The following GFPT1 variants were observed in gnomAD, a reference collection of about 807,000 sequenced individuals.
GFPT1 encodes the protein glutamine--fructose-6-phosphate aminotransferase [isomerizing] 1.
Under a neutral mutation model 92.0 loss-of-function variants are expected in GFPT1, and 40 were observed. The ratio of observed to expected loss-of-function variants is 0.43; its 90% CI spans 0.34 to 0.57. The LOEUF (loss-of-function observed/expected upper bound fraction) is 0.57, where lower values mean the gene tolerates loss of function less well. GFPT1 is among the 20% of genes least tolerant of loss of function. The pLI, the probability that GFPT1 is intolerant of heterozygous loss-of-function variation, is 0.02. For synonymous variants in GFPT1, 269 were observed against 280.6 expected (o/e 0.96, Z 0.41); for missense variants, 448 against 869.1 (o/e 0.52, Z 6.09).
intron 14 of GFPT1, 113 bp downstream of exon 14, chr2:69,338,332 G>A (rs531887391): frequency 4.4e-5 from 40 of 901,384 alleles, no homozygotes; most frequent in East Asian, 2.6e-4. Flanking sequence ...ATCTGTATTC[G>A]TCAAGTCATC....
At chr2:69,356,445 T>C (rs1390658760) in intron 7 of GFPT1, 51 bp downstream of exon 7, 15 of 1,255,192 alleles carry the variant, frequency 1.2e-5, no homozygotes, top group Admixed American at 8.4e-5. Flanking sequence ...AGAATAAACA[T>C]GTAACTCAAA....
chr2:69,350,095 G>A lies in GFPT1; in HGVS notation c.828C>T (p.Tyr276=). 1 of 1,612,120 alleles carries A rather than the reference G, an allele frequency of 6.2e-7. No homozygotes were observed. Among genetic ancestry groups the A allele is most frequent in the Non-Finnish European group, 8.5e-7 (1 of 1,178,164 alleles). The change falls in exon 10 of 20, where the codon TAC becomes TAT. Residue 276 remains tyrosine, a synonymous_variant. Coordinates refer to ENST00000357308, the MANE Select transcript of GFPT1 (RefSeq NM_001244710.2). Reference sequence around the variant, plus strand: ...AAGCTCACCTTGCATCAGAAGCAAAGTAATACTCCACTGCTTTTTCTTCCA... The same window carrying A: ...AAGCTCACCTTGCATCAGAAGCAAAATAATACTCCACTGCTTTTTCTTCCA... ...FPVEEKAVEY[Y]FASDASAVIE... is the part of the protein sequence containing the mutation.
chr2:69,356,628 G>T, intron 6 of GFPT1, 71 bp from the exon 7 acceptor site: 1 of 1,088,164 alleles, frequency 9.2e-7, no homozygotes. Context: ...GAACATACTG[G>T]CTTCAGCGCA....
At position 69,363,609 on chromosome 2, in the gene GFPT1, A is replaced by G. The variant is rs200428254; in HGVS notation, c.285T>C (p.Arg95=). The stretch of plus-strand genomic sequence containing the variant: ...GACTGGGTTCTCCATGTGTTGCCCA[A>G]CGGGTATGAGCTATTCCAAGGTGTA... The part of the protein sequence containing the change: ...FDVHLGIAHT[R]WATHGEPSPV... The change falls in exon 4 of 20, where the codon CGT becomes CGC. Residue 95 remains arginine (R), a synonymous_variant. Transcript: ENST00000357308. 1 of 1,611,512 alleles carries G rather than the reference A, an allele frequency of 6.2e-7. No individual in the cohort carries two copies. The highest frequency in any genetic ancestry group is 8.5e-7 in the Non-Finnish European group (1 of 1,177,562).
At chr2:69,336,352 A>AAG (rs1558736164) in intron 15 of GFPT1, among the ~76,000 whole-genome samples, 2 of 149,714 alleles carry the variant, frequency 1.3e-5, no homozygotes, top group South Asian at 2.1e-4. Flanking sequence ...AAAAAAAAAA[A>AAG]AAAAGAAAAA....
rs767647134 is a variant in GFPT1 at position 69,350,072 on chromosome 2, G to A, written c.845+6C>T. 3 of 1,585,610 alleles carry A rather than the reference G, an allele frequency of 1.9e-6. No individual in the cohort carries two copies. The highest frequency in any genetic ancestry group is 2.2e-5 in the South Asian group (2 of 90,482). The stretch of plus-strand genomic sequence containing the variant: ...AAATCTCTTTGAATCAACTAAGGAA[G>A]CTCACCTTGCATCAGAAGCAAAGTA... On this transcript the variant is annotated splice_donor_region_variant and intron_variant, in intron 10 of 19. Coordinates refer to ENST00000357308, the MANE Select transcript of GFPT1 (RefSeq NM_001244710.2).
rs1267505161 is a variant in GFPT1, at chr2:69,324,712, T to G, written c.*1477A>C. 1 of 152,138 alleles carries G rather than the reference T, an allele frequency of 6.6e-6. No homozygotes were observed. The highest frequency in any genetic ancestry group is 2.4e-5 in the African/African-American group (1 of 41,438). The allele number at this position is 152,138 out of a possible 1,614,324, so 9.4% of individuals were successfully genotyped here. ...AAAAGAAAGGAAAAAACAGCTTACT[T>G]AAATAATTGTGCTAAATAGCTTATC... On this transcript the variant is annotated 3_prime_UTR_variant, in exon 20 of 20. Transcript: ENST00000357308.
intron 11 of GFPT1, among the ~76,000 whole-genome samples, chr2:69,346,740 CT>C (rs796785994): frequency 1.1e-4 from 17 of 148,142 alleles, no homozygotes; most frequent in African/African-American, 9.9e-5. Context: ...CTTATTTTTA[CT>C]TTTTTTTTTG....
At chr2:69,380,338 T>C (rs1671979539) in intron 1 of GFPT1, among the ~76,000 whole-genome samples, 1 of 152,060 alleles carries the variant, frequency 6.6e-6, no homozygotes, top group Admixed American at 6.6e-5. Flanking sequence ...TGAGACTCTG[T>C]CTCAAAAAAA....
At chr2:69,356,389 A>G in intron 7 of GFPT1, 107 bp downstream of exon 7, 1 of 827,300 alleles carries the variant, frequency 1.2e-6, no homozygotes, top group South Asian at 1.4e-5. Context: ...AATATATCTA[A>G]TAAAGGGCAG....
chr2:69,361,523 A>T (rs932563808), intron 4 of GFPT1, among the ~76,000 whole-genome samples: 1 of 152,202 alleles, frequency 6.6e-6, no homozygotes, highest in Non-Finnish European at 1.5e-5. Flanking sequence ...TCTTAACTTA[A>T]AGCCAAATTC....
chr2:69,338,195 A>G, intron 14 of GFPT1, 140 bp from the exon 15 acceptor site: 1 of 859,798 alleles, frequency 1.2e-6, no homozygotes. Flanking sequence ...TAATAAATTT[A>G]TAAAACTTTA....
intron 15 of GFPT1, among the ~76,000 whole-genome samples, chr2:69,333,055 A>AT (rs1670709425): frequency 6.6e-6 from 1 of 152,160 alleles, no homozygotes. Flanking sequence ...ATCTTTTCCC[A>AT]TAACACTAAA....
intron 14 of GFPT1, 26 bp downstream of exon 14, chr2:69,338,419 C>T: frequency 6.3e-7 from 1 of 1,588,714 alleles, no homozygotes; most frequent in Non-Finnish European, 8.6e-7. Context: ...ACTTTCCTTC[C>T]TTTTAAGTCT....
At chr2:69,347,252 T>C (rs1671105814) in intron 11 of GFPT1, among the ~76,000 whole-genome samples, 1 of 151,584 alleles carries the variant, frequency 6.6e-6, no homozygotes, top group South Asian at 2.1e-4. Context: ...GGTCTCACTA[T>C]GTTGCCCAGG....
chr2:69,342,642 G>A (rs1274122663), intron 12 of GFPT1, among the ~76,000 whole-genome samples: 1 of 152,182 alleles, frequency 6.6e-6, no homozygotes, highest in Non-Finnish European at 1.5e-5. Context: ...AGGGTGCAAG[G>A]AAATTTTGGG....
intron 9 of GFPT1, among the ~76,000 whole-genome samples, chr2:69,351,701 CT>C (rs1671210552): frequency 6.6e-6 from 1 of 152,118 alleles, no homozygotes; most frequent in Non-Finnish European, 1.5e-5. Context: ...AACAAAGTAA[CT>C]TTTCCCATTC....
At chr2:69,368,931 A>G (rs1274368229) in intron 3 of GFPT1, among the ~76,000 whole-genome samples, 1 of 152,160 alleles carries the variant, frequency 6.6e-6, no homozygotes, top group Non-Finnish European at 1.5e-5. Flanking sequence ...TCTACTCAGA[A>G]GGTCCTCCCT....
intron 15 of GFPT1, among the ~76,000 whole-genome samples, chr2:69,337,180 T>C (rs965830920): frequency 6.6e-6 from 1 of 150,706 alleles, no homozygotes; most frequent in African/African-American, 2.4e-5. Flanking sequence ...TTCTCTTGCC[T>C]CAGCCTCCCG....
Sources: gnomAD v4.1 joint callset for allele counts (sites outside exome capture counted in the v4.1 genomes callset) on GRCh38, gnomAD v4.1.1 for gene constraint, MANE v1.5 for transcripts, NCBI Gene and HGNC (gene_info 2026-07-23, HGNC 2026-07-21) for gene names.